Variants in LIPA observed in about 807,000 individuals in gnomAD.
LIPA encodes lysosomal acid lipase/cholesteryl ester hydrolase.
A neutral mutation model predicts 40.6 loss-of-function variants in LIPA; 26 were observed. That is an observed-to-expected ratio of 0.64 (90% CI 0.47 to 0.89). The LOEUF is 0.89. LIPA is among the 40% of genes least tolerant of loss of function. LIPA has a pLI of 0.00. For synonymous variants in LIPA, 188 were observed against 168.4 expected (o/e 1.12, Z -0.90); for missense variants, 455 against 479.6 (o/e 0.95, Z 0.48).
At chr10:89,378,780 T>C (rs1844140611) in intron 2 of LIPA, among the ~76,000 whole-genome samples, 1 of 152,224 alleles carries the variant, frequency 6.6e-6, no homozygotes, top group Admixed American at 6.5e-5. Context: ...TAACTCCTGT[T>C]ACAGAGCTCG....
At chr10:89,337,971 T>C (rs1378470184) in intron 1 of LIPA, among the ~76,000 whole-genome samples, 1 of 152,210 alleles carries the variant, frequency 6.6e-6, no homozygotes, top group Non-Finnish European at 1.5e-5. Flanking sequence ...CTCAACACTT[T>C]AGTATAAAAT....
intron 2 of LIPA, chr10:89,362,586 C>A (rs1024556307): frequency 2.4e-5 from 8 of 329,242 alleles, no homozygotes; most frequent in African/African-American, 1.7e-4. Context: ...CCTGGGGCAA[C>A]TTTGCCTGGG....
upstream of LIPA, among the ~76,000 whole-genome samples, chr10:89,255,174 G>T (rs748913651): frequency 4.6e-4 from 70 of 152,206 alleles, no homozygotes; most frequent in South Asian, 2.9e-3. Context: ...CAGTTCTTAT[G>T]CTGCTAATAA....
intron 5 of LIPA, among the ~76,000 whole-genome samples, chr10:89,225,822 T>G (rs1181711984): frequency 6.6e-6 from 1 of 152,092 alleles, no homozygotes; most frequent in Non-Finnish European, 1.5e-5. Flanking sequence ...CCCCATACTG[T>G]TCTTGTGGTA....
intron 1 of LIPA, among the ~76,000 whole-genome samples, chr10:89,279,797 G>A (rs1340513463): frequency 6.6e-6 from 1 of 152,180 alleles, no homozygotes; most frequent in Non-Finnish European, 1.5e-5. Flanking sequence ...AGCCAAGTGT[G>A]AATTAAATAG....
chr10:89,317,998 T>A (rs1409549930), intron 1 of LIPA, among the ~76,000 whole-genome samples: 12 of 150,982 alleles, frequency 7.9e-5, no homozygotes, highest in South Asian at 4.2e-4. Context: ...AATAAAATCC[T>A]TTACAGACAA....
chr10:89,265,301 G>C (rs892057554), intron 1 of LIPA, among the ~76,000 whole-genome samples: 1 of 152,116 alleles, frequency 6.6e-6, no homozygotes, highest in South Asian at 2.1e-4. Flanking sequence ...CTGTAGCTGT[G>C]CCTGGGAGGG....
At chr10:89,276,960 C>T (rs190064272) in intron 1 of LIPA, among the ~76,000 whole-genome samples, 2 of 152,290 alleles carry the variant, frequency 1.3e-5, no homozygotes, top group East Asian at 3.9e-4. Context: ...CCTGTCTCGA[C>T]CCTCCATCTC....
At chr10:89,394,011 A>G (rs1316374663) in intron 2 of LIPA, among the ~76,000 whole-genome samples, 1 of 152,236 alleles carries the variant, frequency 6.6e-6, no homozygotes, top group Non-Finnish European at 1.5e-5. Flanking sequence ...AATTCTCAAA[A>G]GATACTTATA....
chr10:89,303,116 T>C (rs949695174), intron 1 of LIPA, among the ~76,000 whole-genome samples: 1 of 152,056 alleles, frequency 6.6e-6, no homozygotes, highest in African/African-American at 2.4e-5. Context: ...CATGGTCTTA[T>C]CTTAGAATTT....
At chr10:89,259,175 T>G (rs147860016) in intron 1 of LIPA, among the ~76,000 whole-genome samples, 6 of 152,336 alleles carry the variant, frequency 3.9e-5, no homozygotes, top group African/African-American at 1.4e-4. Context: ...GTGAATTGAA[T>G]GGTATGCAGA....
intron 3 of LIPA, among the ~76,000 whole-genome samples, chr10:89,243,298 G>A (rs937451892): frequency 6.6e-5 from 10 of 152,190 alleles, no homozygotes; most frequent in Admixed American, 5.9e-4. Flanking sequence ...GCAGTTCTTA[G>A]GAAAATCACA....
At position 89,266,129 on chromosome 10, in the gene LIPA, C is replaced by T. The variant is rs74146907; in HGVS notation, c.-1-18480G>A. On this transcript the variant is annotated intron_variant, in intron 1 of 5. Transcript: ENST00000282673. ...TTGTACAGTAACTTTTTAATCAAAA[C>T]ACAGCATCGTAGGTGGAGACTGAAA... 7.4e-3 allele frequency among the ~76,000 whole-genome samples: 1,124 copies of T among 152,318 alleles called. 13 individuals carry two copies. The highest frequency in any genetic ancestry group is 0.026 in the African/African-American group (1,066 of 41,568).
intron 1 of LIPA, among the ~76,000 whole-genome samples, chr10:89,267,116 A>G (rs888102352): frequency 6.6e-6 from 1 of 152,196 alleles, no homozygotes. Flanking sequence ...TGTGTTTCCA[A>G]AATACTCAGT....
chr10:89,237,959 C>T (rs1479335875), intron 3 of LIPA, among the ~76,000 whole-genome samples: 1 of 152,142 alleles, frequency 6.6e-6, no homozygotes, highest in African/African-American at 2.4e-5. Context: ...GGAAGAGAAC[C>T]CCAACAGAGA....
chr10:89,334,074 G>A (rs1448855968), intron 1 of LIPA, among the ~76,000 whole-genome samples: 2 of 152,220 alleles, frequency 1.3e-5, no homozygotes, highest in Admixed American at 6.5e-5. Context: ...AGCTGCACAT[G>A]TGCAGACAAG....
intron 2 of LIPA, among the ~76,000 whole-genome samples, chr10:89,364,235 C>G (rs1844043064): frequency 2.0e-5 from 3 of 152,198 alleles, no homozygotes; most frequent in Admixed American, 1.3e-4. Flanking sequence ...ACCCCTTTGT[C>G]ACTCTTGATA....
intron 2 of LIPA, among the ~76,000 whole-genome samples, chr10:89,354,881 T>C (rs1464117643): frequency 6.6e-6 from 1 of 152,146 alleles, no homozygotes; most frequent in Non-Finnish European, 1.5e-5. Flanking sequence ...TAGAAGGTTT[T>C]CAAAGTGTGG....
At chr10:89,311,777 C>T (rs542914766) in intron 1 of LIPA, among the ~76,000 whole-genome samples, 1 of 152,156 alleles carries the variant, frequency 6.6e-6, no homozygotes, top group African/African-American at 2.4e-5. Flanking sequence ...TTTCCACTAG[C>T]AATGTATGAG....
Sources: allele counts gnomAD v4.1 joint callset (sites outside exome capture counted in the v4.1 genomes callset), GRCh38; gene constraint gnomAD v4.1.1; transcripts MANE v1.5; gene names NCBI Gene and HGNC (gene_info 2026-07-23, HGNC 2026-07-21).